The following CRACR2B variants were observed in gnomAD, a reference collection of about 807,000 sequenced individuals.
CRACR2B encodes calcium release activated channel regulator 2B.
In CRACR2B, 50 loss-of-function variants were observed where a neutral mutation model predicts 46.0. The ratio of observed to expected loss-of-function variants is 1.09; its 90% CI spans 0.87 to 1.38. The LOEUF is 1.38. Among genes scored for constraint, CRACR2B ranks in the 40% most tolerant of loss-of-function variants. The pLI, the probability that CRACR2B is intolerant of heterozygous loss-of-function variation, is 0.00. For missense variants in CRACR2B, 667 were observed against 535.0 expected, an observed-to-expected ratio of 1.25 and a Z score of -2.43; for synonymous variants, 277 against 239.6, an observed-to-expected ratio of 1.16 and a Z score of -1.44.
Position 828,715 on chromosome 11 carries a change from G to A in CRACR2B, c.108G>A (p.Glu36=). ...CTGCAATACTGGAGCAGGCTGAGGA[G>A]CTGTTTCTGCTGTGTGACAAGGAGG... ...PRAAILEQAE[E]LFLLCDKEAK... is the part of the protein sequence containing the mutation. The change falls in exon 1 of 9, where the codon GAG becomes GAA. Residue 36 remains glutamate (E), a synonymous_variant. Transcript: ENST00000525077. 6.2e-7 allele frequency: 1 copy of A among 1,613,346 alleles called. No homozygotes were observed. The highest frequency in any genetic ancestry group is 8.5e-7 in the Non-Finnish European group (1 of 1,179,840).
In CRACR2B at chr11:831,780, T is replaced by TG; in HGVS notation, c.*72dup. On this transcript the variant is annotated 3_prime_UTR_variant, in exon 9 of 9. Coordinates refer to ENST00000525077, the MANE Select transcript of CRACR2B (RefSeq NM_001286606.2). Reference sequence around the variant, plus strand: ...CAGGAGGCTTGTCATGGGTCGGGGGTGCCCACTCAGGATGCAGGCTCTCCC... The same window carrying TG: ...CAGGAGGCTTGTCATGGGTCGGGGGTGGCCCACTCAGGATGCAGGCTCTCCC... 1 of 1,442,118 alleles carries TG rather than the reference T, an allele frequency of 6.9e-7. No homozygotes were observed. Among genetic ancestry groups the TG allele is most frequent in the Non-Finnish European group, 9.0e-7 (1 of 1,105,022 alleles). 89.3% of individuals were successfully genotyped at this position (1,442,118 alleles called of 1,614,324 possible). A position where few individuals can be genotyped will look rare whatever the true frequency, so the allele number is the denominator to read the frequency against.
intron 8 of CRACR2B, 68 bp from the exon 9 acceptor site, chr11:831,467 T>A: frequency 1.3e-6 from 2 of 1,500,890 alleles, no homozygotes; most frequent in Non-Finnish European, 1.8e-6. Flanking sequence ...CTGAGGGGAG[T>A]CGGAGCTCAC....
rs764543928 is a variant in CRACR2B at position 828,666 on chromosome 11, A to AG, written c.65dup (p.Ser23LeufsTer13). ...GCCCAGGAGGAGGAGGGGGAACTCGAGGGGGGCTCTGCAGGGCCGCGGGCT... is the reference window on the plus strand; with the variant it reads ...GCCCAGGAGGAGGAGGGGGAACTCGAGGGGGGGCTCTGCAGGGCCGCGGGCT... On this transcript the variant is annotated frameshift_variant, in exon 1 of 9. Transcript: ENST00000525077. LOFTEE classifies it high-confidence loss of function. 3 of 1,608,516 alleles carry AG rather than the reference A, an allele frequency of 1.9e-6. No individual in the cohort carries two copies. In the South Asian group the frequency reaches 3.3e-5, roughly 18 times the overall value.
At position 831,665 on chromosome 11, in the gene CRACR2B, C is replaced by A. The variant is rs759835006; in HGVS notation, c.1156C>A (p.Arg386=). ...CTGCTGCTGCTGCTGTTGCTGGGCT[C>A]GGCCCCCCAGACGCGGCTCTGGCCA... ...PTCCCCCCWA[R]PPRRGSGHLP... The change falls in exon 9 of 9, where the codon CGG becomes AGG. Residue 386 remains arginine, a synonymous_variant. Coordinates refer to ENST00000525077, the MANE Select transcript of CRACR2B (RefSeq NM_001286606.2). 2 of 1,537,446 alleles carry A rather than the reference C, an allele frequency of 1.3e-6. No homozygotes were observed. Among genetic ancestry groups the A allele is most frequent in the Admixed American group, 4.3e-5 (2 of 46,668 alleles).
chr11:828,804 C>T lies in CRACR2B; in HGVS notation c.165+32C>T, dbSNP rs764786031. 4 of 1,612,392 alleles carry T rather than the reference C, an allele frequency of 2.5e-6. No individual in the cohort carries two copies. In the East Asian group the frequency reaches 8.9e-5, roughly 36 times the overall value. On this transcript the variant is annotated intron_variant, in intron 1 of 8. Transcript: ENST00000525077. Reference sequence around the variant, plus strand: ...CCCCCACCCCAAGAGACTGCTTCGGCCCTGGGTTGACCGCAGCGGCTCATC... The same window carrying T: ...CCCCCACCCCAAGAGACTGCTTCGGTCCTGGGTTGACCGCAGCGGCTCATC...
chr11:830,209 C>G, intron 4 of CRACR2B, 41 bp from the exon 5 acceptor site: 1 of 1,494,828 alleles, frequency 6.7e-7, no homozygotes, highest in Non-Finnish European at 8.9e-7. Flanking sequence ...GGGGCTGTAG[C>G]GCTGGCAAGT....
chr11:829,628 C>T, intron 3 of CRACR2B, 88 bp downstream of exon 3: 1 of 1,362,728 alleles, frequency 7.3e-7, no homozygotes. Context: ...AGTGCTGGTT[C>T]TGCACAGGGT....
chr11:830,557 C>T (rs1371164019), intron 5 of CRACR2B, 64 bp from the exon 6 acceptor site: 2 of 1,547,480 alleles, frequency 1.3e-6, no homozygotes, highest in African/African-American at 2.7e-5. Flanking sequence ...CCCTGGCCCT[C>T]CGTGTACCTC....
chr11:828,811 T>G (rs1481329372), intron 1 of CRACR2B, 39 bp downstream of exon 1: 1 of 1,612,132 alleles, frequency 6.2e-7, no homozygotes. Context: ...CGGCCCTGGG[T>G]TGACCGCAGC....
Position 828,445 on chromosome 11 carries a change from C to G in CRACR2B, c.-163C>G. 3.7e-6 allele frequency: 3 copies of G among 800,130 alleles called. No individual in the cohort carries two copies. Among genetic ancestry groups the G allele is most frequent in the Non-Finnish European group, 5.6e-6 (3 of 532,378 alleles). The allele number at this position is 800,130 out of a possible 1,614,324, so 49.6% of individuals were successfully genotyped here. On this transcript the variant is annotated 5_prime_UTR_variant, in exon 1 of 9. Coordinates refer to ENST00000525077, the MANE Select transcript of CRACR2B (RefSeq NM_001286606.2). ...TGCAGCATTTTCCACCCCCAGCCCCCTGGTCCCACCTTGCCTTCCGCCCAC... is the reference window on the plus strand; with the variant it reads ...TGCAGCATTTTCCACCCCCAGCCCCGTGGTCCCACCTTGCCTTCCGCCCAC...
chr11:831,457 C>A, intron 8 of CRACR2B, 78 bp from the exon 9 acceptor site: 1 of 1,498,390 alleles, frequency 6.7e-7, no homozygotes, highest in Non-Finnish European at 8.9e-7. Flanking sequence ...TCTCTTCGCT[C>A]TGAGGGGAGT....
chr11:830,464 C>G (rs533498453), intron 5 of CRACR2B, 127 bp downstream of exon 5: 44 of 1,536,348 alleles, frequency 2.9e-5, no homozygotes, highest in Middle Eastern at 1.7e-4. Flanking sequence ...GCCCTCAGCC[C>G]GAGGAGATCC....
At position 829,976 on chromosome 11, in the gene CRACR2B, C is replaced by G; in HGVS notation, c.459-10C>G. The G allele has an allele frequency of 1.9e-6, 3 of 1,560,058 alleles. No individual in the cohort carries two copies. Among genetic ancestry groups the G allele is most frequent in the Non-Finnish European group, 2.6e-6 (3 of 1,159,428 alleles). On this transcript the variant is annotated splice_polypyrimidine_tract_variant and intron_variant, in intron 3 of 8. Coordinates refer to ENST00000525077, the MANE Select transcript of CRACR2B (RefSeq NM_001286606.2). ...GCCAGCTCCAGCCTCAGTTCCCGCC[C>G]GCCCTCCAGGCAGCGGGCTGTGAGG...
At chr11:830,489 T>TC (rs1396834794) in intron 5 of CRACR2B, 132 bp from the exon 6 acceptor site, 1 of 1,537,508 alleles carries the variant, frequency 6.5e-7, no homozygotes, top group Admixed American at 2.0e-5. Context: ...GGGCCTCACG[T>TC]ATCACCCCCG....
rs1254500666 is a variant in CRACR2B at position 831,648 on chromosome 11, G to A, written c.1139G>A (p.Cys380Tyr). ...CGCCTGCCTGGGCCCACCTGCTGCT[G>A]CTGCTGTTGCTGGGCTCGGCCCCCC... ...TARLPGPTCC[C>Y]CCCWARPPRR... is the part of the protein sequence containing the mutation. The change falls in exon 9 of 9, where the codon TGC (cysteine) becomes TAC (tyrosine). Residue 380 changes from cysteine to tyrosine, a missense_variant. Coordinates refer to ENST00000525077, the MANE Select transcript of CRACR2B (RefSeq NM_001286606.2). The A allele has an allele frequency of 1.9e-6, 3 of 1,548,360 alleles. No homozygotes were observed. Among genetic ancestry groups the A allele is most frequent in the Non-Finnish European group, 2.6e-6 (3 of 1,153,522 alleles).
Position 829,465 on chromosome 11 carries a change from TGGATGAGGAGGA to T in CRACR2B, c.387_398del (p.Asp129_Glu132del). The T allele has an allele frequency of 1.9e-6, 3 of 1,609,530 alleles. No individual in the cohort carries two copies. The highest frequency in any genetic ancestry group is 2.5e-6 in the Non-Finnish European group (3 of 1,178,770). ...GACGTGCAGGGCACGGCGGGCTCTC[TGGATGAGGAGGA>T]GGAAGAGGAGGAGCGATTCCACACT... On this transcript the variant is annotated inframe_deletion, in exon 3 of 9. Coordinates refer to ENST00000525077, the MANE Select transcript of CRACR2B (RefSeq NM_001286606.2).
Position 830,031 on chromosome 11 carries a change from C to T in CRACR2B, c.504C>T (p.Arg168=), listed in dbSNP as rs748024501. Residue 168 remains arginine (R), a synonymous_variant, in exon 4 of 9, where the codon CGC becomes CGT. Transcript: ENST00000525077. ...TCTGGGCCAGGCTGCAGCGCGAGCGCCCCGAGCTGCTGGGCTCTTTCGAGG... is the reference window on the plus strand; with the variant it reads ...TCTGGGCCAGGCTGCAGCGCGAGCGTCCCGAGCTGCTGGGCTCTTTCGAGG... The part of the protein sequence containing the change: ...RTLWARLQRE[R]PELLGSFEDV... The T allele has an allele frequency of 1.3e-6, 2 of 1,569,304 alleles. No individual in the cohort carries two copies. Among genetic ancestry groups the T allele is most frequent in the Non-Finnish European group, 1.7e-6 (2 of 1,163,368 alleles).
intron 3 of CRACR2B, 121 bp from the exon 4 acceptor site, chr11:829,865 C>T (rs1846246810): frequency 2.1e-6 from 3 of 1,431,348 alleles, no homozygotes; most frequent in Non-Finnish European, 1.8e-6. Flanking sequence ...ATGCCCTGCA[C>T]GCAGCAAGTG....
chr11:828,950 C>T lies in CRACR2B; in HGVS notation c.264C>T (p.Phe88=). The change falls in exon 2 of 9, where the codon TTC becomes TTT. Residue 88 remains phenylalanine, a synonymous_variant. Coordinates refer to ENST00000525077, the MANE Select transcript of CRACR2B (RefSeq NM_001286606.2). ...AHTGFLTARE[F]CLGLGMFVGV... Reference sequence around the variant, plus strand: ...CTGGCTTCCTCACCGCCAGGGAGTTCTGCCTGGGCCTGGGTGAGCCTGTGG... The same window carrying T: ...CTGGCTTCCTCACCGCCAGGGAGTTTTGCCTGGGCCTGGGTGAGCCTGTGG... 3 of 1,604,404 alleles carry T rather than the reference C, an allele frequency of 1.9e-6. No homozygotes were observed. Among genetic ancestry groups the T allele is most frequent in the Non-Finnish European group, 2.5e-6 (3 of 1,179,910 alleles).
Sources: gnomAD v4.1 joint callset for allele counts on GRCh38, gnomAD v4.1.1 for gene constraint, MANE v1.5 for transcripts, NCBI Gene and HGNC (gene_info 2026-07-23, HGNC 2026-07-21) for gene names.